The following IL1RAPL2 variants were observed in gnomAD, a reference collection of about 807,000 sequenced individuals.
The protein encoded by IL1RAPL2 is X-linked interleukin-1 receptor accessory protein-like 2.
Under a neutral mutation model 44.1 loss-of-function variants are expected in IL1RAPL2, and 3 were observed. The observed-to-expected ratio is 0.07, with a 90% CI of 0.03 to 0.18. IL1RAPL2 has a LOEUF of 0.18. Ranked by LOEUF, IL1RAPL2 falls within the 10% of genes least tolerant of loss-of-function variation. The probability of loss-of-function intolerance (pLI) is 1.00; values close to 1 mark genes in which losing one functional copy is unlikely to be tolerated. For missense variants in IL1RAPL2, 391 were observed against 496.4 expected (o/e 0.79, Z 2.02); for synonymous variants, 181 against 178.8 (o/e 1.01, Z -0.10).
intron 2 of IL1RAPL2, among the ~76,000 whole-genome samples, chrX:104,749,287 T>A (rs1299250011): frequency 9.0e-6 from 1 of 111,047 alleles, no homozygotes; most frequent in Non-Finnish European, 1.9e-5. Flanking sequence ...CACCTGGTAG[T>A]GTCTCTTCCT....
intron 5 of IL1RAPL2, among the ~76,000 whole-genome samples, chrX:105,353,667 C>G (rs893915290): frequency 3.6e-5 from 4 of 111,062 alleles, no homozygotes; most frequent in African/African-American, 1.3e-4. Flanking sequence ...AAGCTGGATT[C>G]CTAGGTATTT....
At chrX:105,754,645 A>T (rs1200079410) in intron 9 of IL1RAPL2, among the ~76,000 whole-genome samples, 6 of 112,386 alleles carry the variant, frequency 5.3e-5, no homozygotes, top group Non-Finnish European at 7.5e-5. Flanking sequence ...CTTTTTGTAT[A>T]TGAAGATGAT....
At chrX:104,799,916 T>A (rs1322979355) in intron 2 of IL1RAPL2, among the ~76,000 whole-genome samples, 1 of 111,555 alleles carries the variant, frequency 9.0e-6, no homozygotes, top group Non-Finnish European at 1.9e-5. Flanking sequence ...ACTTAACTTA[T>A]CCAAGTGATT....
At chrX:104,866,093 G>T (rs1922607249) in intron 2 of IL1RAPL2, among the ~76,000 whole-genome samples, 1 of 111,860 alleles carries the variant, frequency 8.9e-6, no homozygotes, top group African/African-American at 3.3e-5. Context: ...CTATTGAATG[G>T]ATTAATTAAT....
chrX:104,974,962 C>G (rs932700135), intron 2 of IL1RAPL2, among the ~76,000 whole-genome samples: 16 of 112,341 alleles, frequency 1.4e-4, no homozygotes, highest in Non-Finnish European at 2.4e-4. Context: ...GGCATTCCAG[C>G]CGCTGATCTT....
intron 5 of IL1RAPL2, among the ~76,000 whole-genome samples, chrX:105,295,431 T>G (rs1443062650): frequency 8.9e-6 from 1 of 111,807 alleles, no homozygotes; most frequent in Non-Finnish European, 1.9e-5. Context: ...TGGGTCGAAT[T>G]GATTAGCTCT....
intron 1 of IL1RAPL2, among the ~76,000 whole-genome samples, chrX:104,657,688 C>T (rs866104429): frequency 9.0e-6 from 1 of 111,025 alleles, no homozygotes. Context: ...AACAGGCAAC[C>T]TACAGAATAG....
intron 2 of IL1RAPL2, among the ~76,000 whole-genome samples, chrX:105,179,670 C>T (rs1908228837): frequency 9.1e-6 from 1 of 110,134 alleles, no homozygotes; most frequent in Admixed American, 9.7e-5. Context: ...TTTCTTTCAA[C>T]AGTGTTTTAC....
At chrX:104,910,028 G>A (rs1044238433) in intron 2 of IL1RAPL2, among the ~76,000 whole-genome samples, 5 of 112,598 alleles carry the variant, frequency 4.4e-5, no homozygotes, top group African/African-American at 9.7e-5. Context: ...AGGACCCTCC[G>A]AGCCAGGTGG....
At chrX:105,576,528 C>A (rs941658492) in intron 6 of IL1RAPL2, among the ~76,000 whole-genome samples, 2 of 111,440 alleles carry the variant, frequency 1.8e-5, no homozygotes, top group Non-Finnish European at 3.8e-5. Flanking sequence ...TGTTCTCATG[C>A]TCTACAAGCA....
At chrX:105,313,974 T>G (rs1227704641) in intron 5 of IL1RAPL2, among the ~76,000 whole-genome samples, 2 of 111,900 alleles carry the variant, frequency 1.8e-5, no homozygotes, top group Non-Finnish European at 3.8e-5. Flanking sequence ...AAGGATTATG[T>G]AGCAATTCAT....
rs960832368 is a variant in IL1RAPL2 at position 105,767,455 on chromosome X, A to G, written c.1855A>G (p.Arg619Gly). The change falls in exon 11 of 11, where the codon AGA becomes GGA. Residue 619 changes from arginine to glycine, a missense_variant. Physicochemically the swap from Arg to Gly is moderately radical, Grantham distance 125 (BLOSUM62 -2). This residue lies in a region of IL1RAPL2 where 232 missense variants were observed against 244.8 expected (regional missense o/e 0.95). Coordinates refer to ENST00000372582, the MANE Select transcript of IL1RAPL2 (RefSeq NM_017416.2). ...SDSMQIRHCC[R>G]GYKHEIPATT... ...TTCAATGCAAATCAGGCACTGTTGCAGAGGTTATAAACATGAGATACCAGC... is the reference window on the plus strand; with the variant it reads ...TTCAATGCAAATCAGGCACTGTTGCGGAGGTTATAAACATGAGATACCAGC... 3.3e-6 allele frequency: 4 copies of G among 1,209,653 alleles called. No individual in the cohort carries two copies. Among genetic ancestry groups the G allele is most frequent in the Admixed American group, 4.4e-5 (2 of 45,702 alleles).
intron 2 of IL1RAPL2, among the ~76,000 whole-genome samples, chrX:105,071,493 T>G (rs960883543): frequency 9.0e-6 from 1 of 111,127 alleles, no homozygotes; most frequent in African/African-American, 3.3e-5. Flanking sequence ...CCAAGGCCAT[T>G]TTTCACAGAA....
At chrX:105,230,684 G>T (rs2034061978) in intron 3 of IL1RAPL2, among the ~76,000 whole-genome samples, 1 of 110,298 alleles carries the variant, frequency 9.1e-6, no homozygotes, top group Non-Finnish European at 1.9e-5. Flanking sequence ...GTATAAAAAT[G>T]TAAACCTGTT....
chrX:105,698,194 T>C (rs150559411), intron 6 of IL1RAPL2, among the ~76,000 whole-genome samples: 2,195 of 111,341 alleles, frequency 0.02, 48 homozygotes, highest in African/African-American at 0.069. Context: ...ATCATCATTA[T>C]TATTATCTGT....
At chrX:104,847,545 C>G (rs1013261739) in intron 2 of IL1RAPL2, among the ~76,000 whole-genome samples, 71 of 111,143 alleles carry the variant, frequency 6.4e-4, no homozygotes, top group East Asian at 1.7e-3. Context: ...CTGTTCCACT[C>G]GTCTATATCT....
intron 2 of IL1RAPL2, among the ~76,000 whole-genome samples, chrX:104,858,314 CATTTT>C (rs1374454553): frequency 9.0e-6 from 1 of 111,396 alleles, no homozygotes; most frequent in Non-Finnish European, 1.9e-5. Flanking sequence ...AGGAATTAAA[CATTTT>C]ATCTACAGTA....
chrX:105,256,397 C>T (rs1443819783), intron 4 of IL1RAPL2, among the ~76,000 whole-genome samples: 1 of 107,678 alleles, frequency 9.3e-6, no homozygotes, highest in African/African-American at 3.4e-5. Flanking sequence ...GGTGTGATCT[C>T]AGCTCGCTTC....
intron 2 of IL1RAPL2, among the ~76,000 whole-genome samples, chrX:104,868,994 T>C (rs1467013690): frequency 8.9e-6 from 1 of 111,765 alleles, no homozygotes; most frequent in Non-Finnish European, 1.9e-5. Context: ...TATTCATTTG[T>C]TTTAATATCA....
Sources: allele counts gnomAD v4.1 joint callset (sites outside exome capture counted in the v4.1 genomes callset), GRCh38; gene constraint gnomAD v4.1.1; regional missense constraint gnomAD v4.1.1; transcripts MANE v1.5; gene names NCBI Gene and HGNC (gene_info 2026-07-23, HGNC 2026-07-21).